The following FHIT variants were observed in gnomAD, a reference collection of about 807,000 sequenced individuals.
FHIT encodes bis(5'-adenosyl)-triphosphatase.
In FHIT, 19 loss-of-function variants were observed where a neutral mutation model predicts 17.9. The observed-to-expected ratio is 1.06, with a 90% confidence interval of 0.74 to 1.56. FHIT has a LOEUF of 1.56. Ranked by LOEUF, FHIT falls within the 40% of genes most tolerant of loss-of-function variation. The pLI is 0.00. For missense variants in FHIT, 248 were observed against 189.2 expected (o/e 1.31, Z -1.82); for synonymous variants, 81 against 69.7 (o/e 1.16, Z -0.81).
intron 5 of FHIT, among the ~76,000 whole-genome samples, chr3:60,190,679 G>A (rs1434051253): frequency 2.0e-5 from 3 of 152,004 alleles, no homozygotes. Context: ...ACGAGTTAAT[G>A]GGTGCAGCAC....
At chr3:60,144,986 T>C (rs1279985966) in intron 5 of FHIT, among the ~76,000 whole-genome samples, 2 of 152,110 alleles carry the variant, frequency 1.3e-5, no homozygotes, top group Non-Finnish European at 2.9e-5. Flanking sequence ...TCCCAAATGA[T>C]TTGGAGGAAA....
chr3:59,752,495 A>T (rs1292780757), intron 8 of FHIT, among the ~76,000 whole-genome samples, 174 bp from the exon 9 acceptor site: 1 of 152,180 alleles, frequency 6.6e-6, no homozygotes, highest in African/African-American at 2.4e-5. Flanking sequence ...AAGAATCCAC[A>T]TTTAAAATAA....
chr3:60,027,136 CACACA>C (rs1700779574), intron 5 of FHIT, among the ~76,000 whole-genome samples: 1 of 118,588 alleles, frequency 8.4e-6, no homozygotes, highest in Non-Finnish European at 1.7e-5. Context: ...CACACACACA[CACACA>C]CACACACAAA....
chr3:60,150,673 T>A (rs13094560), intron 5 of FHIT, among the ~76,000 whole-genome samples: 9 of 152,014 alleles, frequency 5.9e-5, no homozygotes, highest in Non-Finnish European at 8.8e-5. Flanking sequence ...ATCCCAGAAC[T>A]TTAGGAGGCT....
In FHIT at chr3:60,347,070, ATT is replaced by A. The variant is rs11293904; in HGVS notation, c.103+189788_103+189789del. 7.6e-4 allele frequency among the ~76,000 whole-genome samples: 115 copies of A among 151,434 alleles called. 2 individuals carry two copies. In the East Asian group the frequency reaches 0.019, roughly 25 times the overall value. On this transcript the variant is annotated intron_variant, in intron 5 of 9. Coordinates refer to ENST00000492590, the MANE Select transcript of FHIT (RefSeq NM_002012.4). The stretch of plus-strand genomic sequence containing the variant: ...AAATATACTTTTATGATATTCTTGA[ATT>A]TTTTTTTTCCAATGCAAAGATTCCC...
chr3:60,330,024 G>C (rs1359988607), intron 5 of FHIT, among the ~76,000 whole-genome samples: 1 of 152,108 alleles, frequency 6.6e-6, no homozygotes, highest in Non-Finnish European at 1.5e-5. Flanking sequence ...ACTTATAGCC[G>C]ATTGTGGTAA....
intron 5 of FHIT, among the ~76,000 whole-genome samples, chr3:60,054,466 A>G (rs1030860565): frequency 6.6e-6 from 1 of 152,178 alleles, no homozygotes; most frequent in African/African-American, 2.4e-5. Flanking sequence ...CATTGCTCTG[A>G]TGTACCACTC....
At chr3:60,501,923 G>A (rs1265397787) in intron 5 of FHIT, among the ~76,000 whole-genome samples, 8 of 152,216 alleles carry the variant, frequency 5.3e-5, no homozygotes, top group Non-Finnish European at 1.2e-4. Flanking sequence ...TGGCATCTTT[G>A]CCATCCAGGC....
At chr3:60,268,640 CTA>C (rs1462293512) in intron 5 of FHIT, among the ~76,000 whole-genome samples, 1 of 152,192 alleles carries the variant, frequency 6.6e-6, no homozygotes, top group Non-Finnish European at 1.5e-5. Context: ...ATTGTGACTG[CTA>C]TATATAGTTT....
chr3:60,616,482 AT>A (rs1383521352), intron 4 of FHIT, among the ~76,000 whole-genome samples: 2 of 152,198 alleles, frequency 1.3e-5, no homozygotes, highest in African/African-American at 4.8e-5. Context: ...ATAAGCAATC[AT>A]AGCAAGCTTG....
chr3:61,032,026 T>C (rs1032029189), intron 3 of FHIT, among the ~76,000 whole-genome samples: 2 of 152,208 alleles, frequency 1.3e-5, no homozygotes, highest in African/African-American at 2.4e-5. Flanking sequence ...GGGCATAGCA[T>C]TTTTGAGCTA....
intron 8 of FHIT, among the ~76,000 whole-genome samples, chr3:59,852,515 C>T (rs1328450243): frequency 6.6e-6 from 1 of 152,076 alleles, no homozygotes; most frequent in African/African-American, 2.4e-5. Flanking sequence ...ATTTGTGAAC[C>T]TACAAGGACA....
chr3:60,531,521 G>A (rs150244021), intron 5 of FHIT, among the ~76,000 whole-genome samples: 25 of 151,840 alleles, frequency 1.6e-4, no homozygotes, highest in Non-Finnish European at 2.5e-4. Context: ...CTCGTGATCC[G>A]CCCGCCTCGG....
chr3:60,668,738 T>C (rs1553693137), intron 4 of FHIT, among the ~76,000 whole-genome samples: 1 of 152,034 alleles, frequency 6.6e-6, no homozygotes, highest in Non-Finnish European at 1.5e-5. Context: ...ATTTTGTTTT[T>C]GTATTTTTAG....
intron 2 of FHIT, among the ~76,000 whole-genome samples, chr3:61,137,910 A>G (rs1190715916): frequency 6.6e-6 from 1 of 152,062 alleles, no homozygotes; most frequent in African/African-American, 2.4e-5. Context: ...GGCCTGTTGT[A>G]TTCCTCTCTC....
chr3:59,886,147 G>C (rs1451647271), intron 8 of FHIT: 1 of 152,194 alleles, frequency 6.6e-6, no homozygotes, highest in Non-Finnish European at 1.5e-5. Context: ...CAAATGAAGA[G>C]AATGACAGAA....
At chr3:61,246,463 C>G (rs2040489023) in intron 1 of FHIT, among the ~76,000 whole-genome samples, 1 of 152,062 alleles carries the variant, frequency 6.6e-6, no homozygotes, top group African/African-American at 2.4e-5. Context: ...AAAACAAATC[C>G]AACAATTTCA....
At chr3:61,127,390 A>T (rs1251172346) in intron 2 of FHIT, among the ~76,000 whole-genome samples, 2 of 152,238 alleles carry the variant, frequency 1.3e-5, no homozygotes, top group Admixed American at 1.3e-4. Context: ...TACAGGTGAG[A>T]TAAGATCTCC....
chr3:61,206,546 A>T (rs952161916), intron 1 of FHIT, among the ~76,000 whole-genome samples: 2 of 151,836 alleles, frequency 1.3e-5, no homozygotes, highest in South Asian at 2.1e-4. Context: ...CCCTTGTAAG[A>T]TGGATTCCTA....
Sources: allele counts gnomAD v4.1 joint callset (sites outside exome capture counted in the v4.1 genomes callset), GRCh38; gene constraint gnomAD v4.1.1; transcripts MANE v1.5; gene names NCBI Gene and HGNC (gene_info 2026-07-23, HGNC 2026-07-21).